Variants in WARS2 observed in about 807,000 individuals in gnomAD.
WARS2 encodes tryptophan--tRNA ligase, mitochondrial.
A neutral mutation model predicts 36.5 loss-of-function variants in WARS2; 28 were observed. That is an observed-to-expected ratio of 0.77 (90% CI 0.57 to 1.05). WARS2 has a LOEUF of 1.05. Among genes scored for constraint, WARS2 ranks in the 50% least tolerant of loss-of-function variants. The probability of loss-of-function intolerance (pLI) is 0.00; values close to 1 mark genes in which losing one functional copy is unlikely to be tolerated. For synonymous variants in WARS2, 174 were observed against 178.4 expected, an observed-to-expected ratio of 0.98 and a Z score of 0.20; for missense variants, 435 against 456.8, an observed-to-expected ratio of 0.95 and a Z score of 0.44.
At chr1:119,059,600 G>A (rs940825198) in intron 2 of WARS2, among the ~76,000 whole-genome samples, 3 of 152,156 alleles carry the variant, frequency 2.0e-5, no homozygotes, top group South Asian at 4.1e-4. Context: ...TCAAAAGGCA[G>A]TATAAGTCCT....
At chr1:119,088,667 G>A (rs1046695458) in intron 1 of WARS2, among the ~76,000 whole-genome samples, 2 of 152,210 alleles carry the variant, frequency 1.3e-5, no homozygotes, top group Non-Finnish European at 2.9e-5. Flanking sequence ...GCTGGTGAGA[G>A]AAGACATCTA....
intron 1 of WARS2, among the ~76,000 whole-genome samples, chr1:119,111,702 GT>G (rs1161428196): frequency 6.6e-6 from 1 of 152,130 alleles, no homozygotes; most frequent in African/African-American, 2.4e-5. Context: ...AGCTGTCAGA[GT>G]TTTCCATGCT....
intron 1 of WARS2, among the ~76,000 whole-genome samples, chr1:119,098,484 C>G (rs1001953159): frequency 3.9e-5 from 6 of 152,110 alleles, no homozygotes; most frequent in African/African-American, 1.2e-4. Context: ...GTTGCCCAGG[C>G]TGGAGTGCAA....
At chr1:119,111,734 A>G (rs1654649525) in intron 1 of WARS2, among the ~76,000 whole-genome samples, 1 of 152,126 alleles carries the variant, frequency 6.6e-6, no homozygotes, top group Non-Finnish European at 1.5e-5. Context: ...GAGTTCCTCA[A>G]TTACAGCTTG....
intron 1 of WARS2, among the ~76,000 whole-genome samples, chr1:119,125,516 G>T (rs1389201731): frequency 6.6e-6 from 1 of 152,096 alleles, no homozygotes; most frequent in African/African-American, 2.4e-5. Flanking sequence ...AATATTTGTT[G>T]AATGAATCAA....
chr1:119,092,700 C>T (rs1653128773), intron 1 of WARS2, among the ~76,000 whole-genome samples: 2 of 152,130 alleles, frequency 1.3e-5, no homozygotes, highest in South Asian at 4.1e-4. Flanking sequence ...GTATTTGTGC[C>T]TCAGTTTCAT....
chr1:119,094,386 C>A (rs587678902), intron 1 of WARS2, among the ~76,000 whole-genome samples: 2 of 151,848 alleles, frequency 1.3e-5, no homozygotes, highest in South Asian at 4.2e-4. Flanking sequence ...TTTTTTCCCC[C>A]TTTGAAATCT....
chr1:119,120,938 A>G (rs762053162), intron 1 of WARS2, among the ~76,000 whole-genome samples: 10 of 152,162 alleles, frequency 6.6e-5, no homozygotes, highest in Non-Finnish European at 1.3e-4. Context: ...AGGCAACATT[A>G]TACTGCATGG....
At chr1:119,093,471 G>T (rs113379896) in intron 1 of WARS2, among the ~76,000 whole-genome samples, 2 of 126,352 alleles carry the variant, frequency 1.6e-5, no homozygotes, top group Admixed American at 1.7e-4. Flanking sequence ...TTAAGATGAA[G>T]TCATAAATAC....
intron 1 of WARS2, among the ~76,000 whole-genome samples, chr1:119,089,247 T>C (rs1212512467): frequency 2.0e-5 from 3 of 152,228 alleles, no homozygotes; most frequent in South Asian, 2.1e-4. Flanking sequence ...ATAAGTCTCA[T>C]GTTCCAGCTA....
rs1437589271 is a variant in WARS2, at chr1:119,031,564, C to T, written c.*1347G>A. ...TAGTTATGTATGTACAAATGGTGAT[C>T]ATGGTCCTTACTGATAAAAAACTTA... On this transcript the variant is annotated 3_prime_UTR_variant, in exon 6 of 6. Coordinates refer to ENST00000235521, the MANE Select transcript of WARS2 (RefSeq NM_015836.4). 1.3e-5 allele frequency: 2 copies of T among 152,198 alleles called. No homozygotes were observed. The highest frequency in any genetic ancestry group is 2.9e-5 in the Non-Finnish European group (2 of 68,040). 9.4% of individuals were successfully genotyped at this position (152,198 alleles called of 1,614,324 possible).
chr1:119,085,966 C>T (rs1239709037), intron 1 of WARS2: 11 of 1,609,472 alleles, frequency 6.8e-6, no homozygotes, highest in Non-Finnish European at 9.3e-6. Flanking sequence ...TCCACGGGCC[C>T]AAACTCAGCG....
At chr1:119,046,397 G>A (rs185197006) in intron 2 of WARS2, among the ~76,000 whole-genome samples, 2 of 145,242 alleles carry the variant, frequency 1.4e-5, no homozygotes, top group African/African-American at 5.1e-5. Flanking sequence ...CGCCCAGGCT[G>A]CAGTGCAGTG....
intron 2 of WARS2, 81 bp downstream of exon 2, chr1:119,076,269 G>A: frequency 6.6e-7 from 1 of 1,525,824 alleles, no homozygotes; most frequent in Non-Finnish European, 8.9e-7. Flanking sequence ...TCACGAGCAG[G>A]GGCTGTATGA....
intron 2 of WARS2, among the ~76,000 whole-genome samples, chr1:119,046,659 A>G (rs1162451772): frequency 6.6e-6 from 1 of 151,868 alleles, no homozygotes; most frequent in African/African-American, 2.4e-5. Flanking sequence ...CCCAGCCCCA[A>G]ATTTGTTTGT....
chr1:119,138,604 G>T (rs191414522), intron 1 of WARS2, among the ~76,000 whole-genome samples: 1 of 151,792 alleles, frequency 6.6e-6, no homozygotes. Context: ...CTATGTATAC[G>T]TTTATATAAA....
intron 3 of WARS2, among the ~76,000 whole-genome samples, chr1:119,043,009 G>T (rs555079319): frequency 6.6e-6 from 1 of 152,290 alleles, no homozygotes; most frequent in South Asian, 2.1e-4. Flanking sequence ...TAATGGAGAA[G>T]TTGATGGAAA....
intron 1 of WARS2, among the ~76,000 whole-genome samples, chr1:119,090,720 A>T (rs928080161): frequency 6.6e-6 from 1 of 152,112 alleles, no homozygotes; most frequent in African/African-American, 2.4e-5. Context: ...AGAAAAAAAT[A>T]AAAATACACA....
intron 1 of WARS2, among the ~76,000 whole-genome samples, chr1:119,117,187 A>G (rs1200304257): frequency 1.3e-5 from 2 of 152,120 alleles, no homozygotes; most frequent in African/African-American, 2.4e-5. Flanking sequence ...CTTGTATGAT[A>G]CAGCAGAGGC....
Sources: gnomAD v4.1 joint callset for allele counts (sites outside exome capture counted in the v4.1 genomes callset) on GRCh38, gnomAD v4.1.1 for gene constraint, MANE v1.5 for transcripts, NCBI Gene and HGNC (gene_info 2026-07-23, HGNC 2026-07-21) for gene names.